Variants in ASIC5 observed in about 807,000 individuals in gnomAD.
ASIC5 encodes the protein acid sensing ion channel subunit family member 5.
In ASIC5, 52 loss-of-function variants were observed where a neutral mutation model predicts 51.2. The observed-to-expected ratio is 1.02, with a 90% CI of 0.81 to 1.28. ASIC5 has a LOEUF of 1.28. Ranked by LOEUF, ASIC5 falls within the 50% of genes most tolerant of loss-of-function variation. The pLI, the probability that ASIC5 is intolerant of heterozygous loss-of-function variation, is 0.00. For missense variants in ASIC5, 635 were observed against 595.0 expected (o/e 1.07, Z -0.70); for synonymous variants, 231 against 200.7 (o/e 1.15, Z -1.28).
intron 2 of ASIC5, among the ~76,000 whole-genome samples, chr4:155,861,486 G>T (rs1741704215): frequency 1.3e-5 from 2 of 151,894 alleles, no homozygotes; most frequent in South Asian, 4.1e-4. Context: ...TCTGAGATTA[G>T]GATATCTACT....
chr4:155,843,610 A>T, intron 5 of ASIC5, 71 bp downstream of exon 5: 1 of 1,510,068 alleles, frequency 6.6e-7, no homozygotes, highest in Non-Finnish European at 9.0e-7. Context: ...AGGAATTTCT[A>T]GTGAAAAGCA....
chr4:155,835,561 C>A (rs1378237987), intron 8 of ASIC5, among the ~76,000 whole-genome samples: 2 of 152,124 alleles, frequency 1.3e-5, no homozygotes, highest in Non-Finnish European at 2.9e-5. Context: ...AGATTTCTAT[C>A]AACCAAAAGA....
intron 9 of ASIC5, 102 bp from the exon 10 acceptor site, chr4:155,830,148 T>C (rs1394827061): frequency 1.4e-6 from 1 of 704,916 alleles, no homozygotes; most frequent in Non-Finnish European, 2.3e-6. Context: ...ATAACTGAGA[T>C]GAAGATTGGT....
At position 155,843,130 on chromosome 4, in the gene ASIC5, G is replaced by A. The variant is rs150029529; in HGVS notation, c.861+551C>T. ...TCAGGCTGTTTTAGGTTTGAAGGCA[G>A]GGTTTCACCAGGGGCCCTTGGCTGT... On this transcript the variant is annotated intron_variant, in intron 5 of 9. Coordinates refer to ENST00000537611, the MANE Select transcript of ASIC5 (RefSeq NM_017419.3). Among the ~76,000 whole-genome samples, 5 of 152,280 alleles carry A rather than the reference G, an allele frequency of 3.3e-5. No homozygotes were observed. In the East Asian group the frequency reaches 9.7e-4, roughly 30 times the overall value.
intron 1 of ASIC5, among the ~76,000 whole-genome samples, chr4:155,865,767 CA>C (rs1371553162): frequency 6.6e-5 from 10 of 152,046 alleles, no homozygotes; most frequent in Admixed American, 5.9e-4. Flanking sequence ...GTTTGCAAAG[CA>C]GAAACTTCTT....
At position 155,853,602 on chromosome 4, in the gene ASIC5, GTTATTATATATAATA is replaced by G. The variant is rs1441411843; in HGVS notation, c.585+460_585+474del. 5.0e-3 allele frequency among the ~76,000 whole-genome samples: 11 copies of G among 2,214 alleles called. No individual in the cohort carries two copies. The East Asian group carries it at 0.15, about 31-fold the overall frequency. The allele number at this position is 2,214 out of a possible 152,430, so 1.5% of individuals were successfully genotyped here. ...TATATATAATATATAATATATACTA[GTTATTATATATAATA>G]TATAATATATAATAATAATATATAA... On this transcript the variant is annotated intron_variant, in intron 3 of 9. Transcript: ENST00000537611.
chr4:155,843,920 G>T (rs1741179502), intron 4 of ASIC5, 90 bp from the exon 5 acceptor site: 1 of 1,132,572 alleles, frequency 8.8e-7, no homozygotes, highest in African/African-American at 1.5e-5. Context: ...TCTCATGATA[G>T]CGTTTGACTA....
At chr4:155,835,100 C>T (rs1044104409) in intron 8 of ASIC5, among the ~76,000 whole-genome samples, 1 of 152,180 alleles carries the variant, frequency 6.6e-6, no homozygotes, top group Non-Finnish European at 1.5e-5. Flanking sequence ...CCTTGGGATA[C>T]AGAAGGCTGT....
rs147935687 is a variant in ASIC5 at position 155,831,855 on chromosome 4, C to T, written c.1296G>A (p.Gln432=). 2.1e-5 allele frequency: 34 copies of T among 1,607,708 alleles called. No homozygotes were observed. Among genetic ancestry groups the T allele is most frequent in the Non-Finnish European group, 2.6e-5 (31 of 1,174,816 alleles). Residue 432 remains glutamine, a synonymous_variant, in exon 9 of 10, where the codon CAG becomes CAA. Coordinates refer to ENST00000537611, the MANE Select transcript of ASIC5 (RefSeq NM_017419.3). ...ACTCAGACACACTCACCGCCTTTTG[C>T]TGCTGGGTTATCTTATAGTTTAGGT... The part of the protein sequence containing the change: ...YSDLNYKITQ[Q]QKAVSVSELL...
intron 3 of ASIC5, among the ~76,000 whole-genome samples, chr4:155,852,672 C>A (rs1052815934): frequency 6.6e-6 from 1 of 151,254 alleles, no homozygotes; most frequent in African/African-American, 2.4e-5. Flanking sequence ...CCTAATGTAA[C>A]CTGTATGGTC....
intron 4 of ASIC5, among the ~76,000 whole-genome samples, chr4:155,844,372 G>C (rs1193112878): frequency 7.9e-5 from 12 of 151,998 alleles, no homozygotes. Flanking sequence ...CATCCACCAA[G>C]GAATGTGAAC....
chr4:155,860,195 T>C (rs933780802), intron 2 of ASIC5, among the ~76,000 whole-genome samples: 8 of 151,986 alleles, frequency 5.3e-5, no homozygotes, highest in Non-Finnish European at 1.2e-4. Flanking sequence ...ATATATGAAA[T>C]GTTTATTCCT....
intron 4 of ASIC5, among the ~76,000 whole-genome samples, chr4:155,850,203 C>T (rs1741348754): frequency 1.3e-5 from 2 of 151,788 alleles, no homozygotes; most frequent in South Asian, 4.2e-4. Context: ...AAAGTTATTC[C>T]TTTGCTCACT....
intron 3 of ASIC5, 29 bp downstream of exon 3, chr4:155,854,048 A>C (rs1305337727): frequency 6.6e-7 from 1 of 1,510,020 alleles, no homozygotes; most frequent in East Asian, 2.3e-5. Flanking sequence ...TATTACTTTG[A>C]TTATATTTGA....
intron 4 of ASIC5, among the ~76,000 whole-genome samples, chr4:155,847,010 G>T (rs1741264763): frequency 6.6e-6 from 1 of 151,954 alleles, no homozygotes. Context: ...TTTGTGGTAA[G>T]ACAGCTTAAA....
intron 1 of ASIC5, 69 bp downstream of exon 1, chr4:155,866,118 C>CT: frequency 1.0e-6 from 1 of 974,114 alleles, no homozygotes; most frequent in Non-Finnish European, 1.5e-6. Context: ...AAAAAAATCT[C>CT]TCTTTTCTTA....
At chr4:155,851,490 T>C (rs964299844) in intron 4 of ASIC5, among the ~76,000 whole-genome samples, 4 of 152,006 alleles carry the variant, frequency 2.6e-5, no homozygotes, top group African/African-American at 9.7e-5. Flanking sequence ...CATTTTACAA[T>C]CCTCTTTTAT....
chr4:155,829,843 T>G lies in ASIC5; in HGVS notation c.*13A>C. ...GTATCATGAAAAGGAAACTATTTTA[T>G]TCTAAGTGACCATTAACACTCCTCT... On this transcript the variant is annotated 3_prime_UTR_variant, in exon 10 of 10. Coordinates refer to ENST00000537611, the MANE Select transcript of ASIC5 (RefSeq NM_017419.3). The G allele has an allele frequency of 6.7e-7, 1 of 1,484,010 alleles. No individual in the cohort carries two copies. The highest frequency in any genetic ancestry group is 2.4e-5 in the Admixed American group (1 of 41,808). 91.9% of individuals were successfully genotyped at this position (1,484,010 alleles called of 1,614,324 possible).
At chr4:155,830,988 G>C (rs1024761689) in intron 9 of ASIC5, among the ~76,000 whole-genome samples, 1 of 152,166 alleles carries the variant, frequency 6.6e-6, no homozygotes, top group African/African-American at 2.4e-5. Context: ...TGTGATGTCT[G>C]ACTGCTATCA....
Sources: gnomAD v4.1 joint callset for allele counts (sites outside exome capture counted in the v4.1 genomes callset) on GRCh38, gnomAD v4.1.1 for gene constraint, MANE v1.5 for transcripts, NCBI Gene and HGNC (gene_info 2026-07-23, HGNC 2026-07-21) for gene names.